The following OR2L13 variants were observed in gnomAD, a reference collection of about 807,000 sequenced individuals.
OR2L13 encodes olfactory receptor family 2 subfamily L member 13, also known as olfactory receptor 2L13.
A neutral mutation model predicts 15.3 loss-of-function variants in OR2L13; 14 were observed. The observed-to-expected ratio is 0.91, with a 90% CI of 0.60 to 1.43. The LOEUF (loss-of-function observed/expected upper bound fraction) is 1.43, where lower values mean the gene tolerates loss of function less well. Among genes scored for constraint, OR2L13 ranks in the 40% most tolerant of loss-of-function variants. OR2L13 has a pLI of 0.00. For missense variants in OR2L13, 367 were observed against 387.9 expected (o/e 0.95, Z 0.45); for synonymous variants, 152 against 142.9 (o/e 1.06, Z -0.45).
At chr1:247,966,324 C>T in the OR2L13 span, 1 of 1,612,428 alleles carries the variant, frequency 6.2e-7, no homozygotes, top group South Asian at 1.1e-5. Flanking sequence ...AATATGACTT[C>T]AGATCTCTGT....
At chr1:248,083,207 A>G in the OR2L13 span, among the ~76,000 whole-genome samples, 1 of 152,160 alleles carries the variant, frequency 6.6e-6, no homozygotes, top group African/African-American at 2.4e-5. Flanking sequence ...GTTTTTAATC[A>G]TAGAGCATAC....
chr1:248,035,833 T>C, the OR2L13 span, among the ~76,000 whole-genome samples: 1 of 152,136 alleles, frequency 6.6e-6, no homozygotes, highest in Non-Finnish European at 1.5e-5. Flanking sequence ...CATAATTACA[T>C]TCCACTTTAT....
At chr1:248,059,312 G>C in the OR2L13 span, among the ~76,000 whole-genome samples, 14 of 152,298 alleles carry the variant, frequency 9.2e-5, no homozygotes, top group African/African-American at 3.4e-4. Flanking sequence ...TCTATCTGGA[G>C]TAGAGTTTCT....
chr1:247,990,906 T>C, the OR2L13 span: 2 of 1,480,644 alleles, frequency 1.4e-6, no homozygotes, highest in Admixed American at 1.7e-5. Flanking sequence ...TCATTTGTAT[T>C]GCATGTTCCT....
the OR2L13 span, among the ~76,000 whole-genome samples, chr1:248,059,290 T>C: frequency 6.6e-6 from 1 of 152,216 alleles, no homozygotes; most frequent in Non-Finnish European, 1.5e-5. Context: ...GCAAAGTTGT[T>C]CTCTGATGTC....
At chr1:248,097,727 C>T (rs780443706) in intron 1 of OR2L13, among the ~76,000 whole-genome samples, 2 of 152,206 alleles carry the variant, frequency 1.3e-5, no homozygotes, top group Admixed American at 1.3e-4. Flanking sequence ...GTATTGGATA[C>T]ACCTCATGGG....
the OR2L13 span, among the ~76,000 whole-genome samples, chr1:248,030,917 G>A: frequency 7.2e-5 from 11 of 152,214 alleles, no homozygotes; most frequent in East Asian, 2.1e-3. Context: ...TTTTCTACTT[G>A]TGATGAAAAT....
the OR2L13 span, among the ~76,000 whole-genome samples, chr1:248,056,993 G>T: frequency 6.6e-6 from 1 of 152,104 alleles, no homozygotes; most frequent in African/African-American, 2.4e-5. Context: ...TTGTGCTGTG[G>T]TCTGAGAGAC....
chr1:247,971,841 T>C, the OR2L13 span, among the ~76,000 whole-genome samples: 1 of 152,170 alleles, frequency 6.6e-6, no homozygotes, highest in African/African-American at 2.4e-5. Context: ...ACATAACCCT[T>C]ATTCTAAAAT....
chr1:248,038,573 C>A, the OR2L13 span: 1 of 1,614,172 alleles, frequency 6.2e-7, no homozygotes, highest in Non-Finnish European at 8.5e-7. Flanking sequence ...AGAGTTTCTT[C>A]TTCTTGACTT....
At chr1:248,001,459 A>C in the OR2L13 span, among the ~76,000 whole-genome samples, 1 of 152,096 alleles carries the variant, frequency 6.6e-6, no homozygotes, top group South Asian at 2.1e-4. Context: ...ATTTTTAGTG[A>C]AAAGAAAGTA....
the OR2L13 span, among the ~76,000 whole-genome samples, chr1:248,054,475 T>G: frequency 6.6e-6 from 1 of 152,206 alleles, no homozygotes; most frequent in Non-Finnish European, 1.5e-5. Flanking sequence ...TCTAATTCTG[T>G]GAAGAATATC....
At chr1:248,048,906 T>C in the OR2L13 span, among the ~76,000 whole-genome samples, 1 of 148,272 alleles carries the variant, frequency 6.7e-6, no homozygotes, top group African/African-American at 2.6e-5. Context: ...CAGCTTTTTC[T>C]TTCCTTTTCT....
chr1:247,948,571 G>A, the OR2L13 span, among the ~76,000 whole-genome samples: 2 of 152,106 alleles, frequency 1.3e-5, no homozygotes, highest in Non-Finnish European at 2.9e-5. Context: ...TACAATAAAA[G>A]ATTTTGAGAA....
At chr1:247,977,919 C>T in the OR2L13 span, among the ~76,000 whole-genome samples, 228 of 152,170 alleles carry the variant, frequency 1.5e-3, 1 homozygote, top group African/African-American at 4.7e-3. Context: ...ATCAGCAGTC[C>T]CCACACTTCA....
the OR2L13 span, among the ~76,000 whole-genome samples, chr1:248,065,878 A>T: frequency 6.6e-6 from 1 of 152,218 alleles, no homozygotes; most frequent in African/African-American, 2.4e-5. Context: ...GAAAAAGGTT[A>T]TCTCACCTGT....
At chr1:247,970,385 T>G in the OR2L13 span, among the ~76,000 whole-genome samples, 1 of 152,170 alleles carries the variant, frequency 6.6e-6, no homozygotes, top group South Asian at 2.1e-4. Context: ...TGAGATCACC[T>G]TCGCTTTCAT....
chr1:248,095,607 C>CTGTTTTTTTTTTTT (rs1553285515), upstream of OR2L13, among the ~76,000 whole-genome samples: 3 of 37,292 alleles, frequency 8.0e-5, no homozygotes, highest in Admixed American at 6.4e-4. Context: ...AAAGCTGCTG[C>CTGTTTTTTTTTTTT]TTTTTTTTTT....
chr1:248,008,263 C>G, the OR2L13 span, among the ~76,000 whole-genome samples: 2 of 152,112 alleles, frequency 1.3e-5, no homozygotes, highest in East Asian at 3.8e-4. Flanking sequence ...TAGTGACACC[C>G]CTAGAATTAA....
Sources: gnomAD v4.1 joint callset for allele counts (sites outside exome capture counted in the v4.1 genomes callset) on GRCh38, gnomAD v4.1.1 for gene constraint, MANE v1.5 for transcripts, NCBI Gene and HGNC (gene_info 2026-07-23, HGNC 2026-07-21) for gene names.